The following SCP2 variants were observed in gnomAD, a reference collection of about 807,000 sequenced individuals.
SCP2 encodes the protein SCP-2/3-oxoacyl-CoA thiolase.
In SCP2, 48 loss-of-function variants were observed where a neutral mutation model predicts 71.4. That is an observed-to-expected ratio of 0.67 (90% CI 0.53 to 0.86). The LOEUF (loss-of-function observed/expected upper bound fraction) is 0.86, where lower values mean the gene tolerates loss of function less well. Ranked by LOEUF, SCP2 falls within the 40% of genes least tolerant of loss-of-function variation. SCP2 has a pLI of 0.00. For synonymous variants in SCP2, 220 were observed against 218.1 expected (o/e 1.01, Z -0.08); for missense variants, 560 against 655.6 (o/e 0.85, Z 1.59).
chr1:52,982,013 T>G (rs1417818574), intron 10 of SCP2, among the ~76,000 whole-genome samples: 2 of 152,164 alleles, frequency 1.3e-5, no homozygotes, highest in Non-Finnish European at 2.9e-5. Context: ...AGTATGCCAT[T>G]TCAACTTATC....
At chr1:52,965,846 A>C (rs560055451) in intron 6 of SCP2, among the ~76,000 whole-genome samples, 1 of 149,956 alleles carries the variant, frequency 6.7e-6, no homozygotes, top group Non-Finnish European at 1.5e-5. Flanking sequence ...TGATTTTACC[A>C]TGTTGGCCAG....
At chr1:53,010,811 C>T (rs1449619356) in intron 11 of SCP2, among the ~76,000 whole-genome samples, 1 of 152,010 alleles carries the variant, frequency 6.6e-6, no homozygotes, top group Non-Finnish European at 1.5e-5. Context: ...ATTCTCCCTG[C>T]CCTTGAGAAT....
intron 13 of SCP2, among the ~76,000 whole-genome samples, chr1:53,036,766 ATTTTCTTGT>A (rs1048400304): frequency 1.6e-4 from 24 of 151,616 alleles, no homozygotes; most frequent in Non-Finnish European, 3.2e-4. Flanking sequence ...TTACAGAAAG[ATTTTCTTGT>A]TTTTGGTACA....
intron 13 of SCP2, among the ~76,000 whole-genome samples, chr1:53,036,288 T>G (rs1662947891): frequency 6.7e-6 from 1 of 149,350 alleles, no homozygotes; most frequent in Non-Finnish European, 1.5e-5. Flanking sequence ...TATACTATAT[T>G]TTATTTAATC....
At position 52,927,371 on chromosome 1, in the gene SCP2, C is replaced by T. The variant is rs768084891; in HGVS notation, c.-26C>T. On this transcript the variant is annotated 5_prime_UTR_variant, in exon 1 of 16. Coordinates refer to ENST00000371514, the MANE Select transcript of SCP2 (RefSeq NM_002979.5). ...AGTGCCGGCAGTCGTCCGCGGCGCC[C>T]GCCCCGGTCCCGCACTGGTGCAGCC... is the stretch of plus-strand genomic sequence containing the variant. The T allele has an allele frequency of 2.6e-6, 4 of 1,560,872 alleles. No individual in the cohort carries two copies.
At chr1:53,034,772 T>C (rs762458031) in intron 13 of SCP2, among the ~76,000 whole-genome samples, 23 of 151,964 alleles carry the variant, frequency 1.5e-4, no homozygotes, top group Non-Finnish European at 3.1e-4. Context: ...CTTATCAGAG[T>C]GCCTGAACAT....
At chr1:52,929,750 G>A (rs1652959721) in intron 1 of SCP2, among the ~76,000 whole-genome samples, 1 of 152,202 alleles carries the variant, frequency 6.6e-6, no homozygotes, top group African/African-American at 2.4e-5. Context: ...AGCCTCCCGA[G>A]TAGCTGGGAC....
At chr1:52,936,841 A>T (rs1314853021) in intron 1 of SCP2, among the ~76,000 whole-genome samples, 1 of 152,066 alleles carries the variant, frequency 6.6e-6, no homozygotes, top group African/African-American at 2.4e-5. Flanking sequence ...GAGTACATGG[A>T]GGAGTTTCTG....
intron 13 of SCP2, among the ~76,000 whole-genome samples, chr1:53,033,605 A>C (rs1662707176): frequency 1.4e-5 from 1 of 73,804 alleles, no homozygotes; most frequent in African/African-American, 2.7e-4. Context: ...ACTCCATTTC[A>C]AAAAAAAAAA....
At chr1:52,934,420 T>C (rs1171328430) in intron 1 of SCP2, among the ~76,000 whole-genome samples, 1 of 151,792 alleles carries the variant, frequency 6.6e-6, no homozygotes. Flanking sequence ...ATGGAGCCGA[T>C]ATTTTTCCAA....
At chr1:53,048,114 G>A in intron 15 of SCP2, 177 bp downstream of exon 15, 1 of 628,964 alleles carries the variant, frequency 1.6e-6, no homozygotes, top group Non-Finnish European at 3.0e-6. Context: ...CTTGTGTGCT[G>A]GAAGTGCCCA....
In SCP2 at chr1:52,978,336, G is replaced by C; in HGVS notation, c.794G>C (p.Ser265Thr). Residue 265 changes from serine (S) to threonine (T), a missense_variant, in exon 9 of 16, where the codon AGC (serine) becomes ACC (threonine). By Grantham distance (58) the Ser-to-Thr change is moderately conservative (BLOSUM62 1). Around this residue, in one of 3 missense-constraint regions of SCP2, gnomAD observed 513 missense variants for 573.1 expected, o/e 0.90. Coordinates refer to ENST00000371514, the MANE Select transcript of SCP2 (RefSeq NM_002979.5). ...CAAGAAATGATGACTGATTTGCCAA[G>C]CTCGTTTGAAGAAAAAAGCATTATT... ...LAQEMMTDLPSSFEEKSIIKM... is the reference protein window; with the variant it reads ...LAQEMMTDLPTSFEEKSIIKM... 6.2e-7 allele frequency: 1 copy of C among 1,614,020 alleles called. No individual in the cohort carries two copies. The highest frequency in any genetic ancestry group is 8.5e-7 in the Non-Finnish European group (1 of 1,179,912).
intron 1 of SCP2, 43 bp downstream of exon 1, chr1:52,927,508 G>C: frequency 6.8e-7 from 1 of 1,464,604 alleles, no homozygotes. Flanking sequence ...AGGCTCGGGG[G>C]CGGTCGGTGC....
At chr1:53,047,714 A>G in intron 14 of SCP2, 144 bp from the exon 15 acceptor site, 1 of 663,380 alleles carries the variant, frequency 1.5e-6, no homozygotes, top group Non-Finnish European at 2.8e-6. Context: ...CCAGGCTGCC[A>G]TAGAAGTATA....
At chr1:52,938,855 A>T (rs1438249988) in intron 1 of SCP2, among the ~76,000 whole-genome samples, 1 of 152,224 alleles carries the variant, frequency 6.6e-6, no homozygotes, top group African/African-American at 2.4e-5. Flanking sequence ...TGTACATTCT[A>T]TGGATTTTGA....
chr1:52,927,519 C>T, intron 1 of SCP2, 54 bp downstream of exon 1: 1 of 1,322,564 alleles, frequency 7.6e-7, no homozygotes, highest in Non-Finnish European at 1.1e-6. Flanking sequence ...CGGTCGGTGC[C>T]TGGGTTTCTC....
At chr1:52,945,160 C>T (rs764600195) in intron 2 of SCP2, among the ~76,000 whole-genome samples, 41 of 152,042 alleles carry the variant, frequency 2.7e-4, no homozygotes, top group Non-Finnish European at 5.1e-4. Flanking sequence ...TATGGGATCA[C>T]ATTTGTAGTT....
In SCP2 at chr1:52,986,016, C is replaced by T. The variant is rs139855188; in HGVS notation, c.974-2013C>T. 7.5e-3 allele frequency among the ~76,000 whole-genome samples: 1,134 copies of T among 151,394 alleles called. 4 individuals carry two copies. Among genetic ancestry groups the T allele is most frequent in the African/African-American group, 0.011 (444 of 40,816 alleles). ...TGTCTGTCTTTTCCTCACCCCTCTC[C>T]CCACATAACTTAAACTCCATGATAG... On this transcript the variant is annotated intron_variant, in intron 10 of 15. Transcript: ENST00000371514.
At position 53,045,386 on chromosome 1, in the gene SCP2, G is replaced by A. The variant is rs561779261; in HGVS notation, c.1469-2472G>A. Among the ~76,000 whole-genome samples the A allele has an allele frequency of 4.6e-5, 7 of 152,200 alleles. No homozygotes were observed. In the East Asian group the frequency reaches 1.3e-3, roughly 29 times the overall value. ...GCATAAGATTCATTCATATGGTTGC[G>A]TGTGGCAATAGTTTGTGTTTACTAG... On this transcript the variant is annotated intron_variant, in intron 14 of 15. Transcript: ENST00000371514.
Sources: gnomAD v4.1 joint callset for allele counts (sites outside exome capture counted in the v4.1 genomes callset) on GRCh38, gnomAD v4.1.1 for gene constraint, gnomAD v4.1.1 regional missense constraint, MANE v1.5 for transcripts, NCBI Gene and HGNC (gene_info 2026-07-23, HGNC 2026-07-21) for gene names.